PRDM16: variants seen among roughly 807,000 people sequenced by gnomAD.
The protein encoded by PRDM16 is histone-lysine N-methyltransferase PRDM16.
Under a neutral mutation model 110.6 loss-of-function variants are expected in PRDM16, and 23 were observed. The observed-to-expected ratio is 0.21, with a 90% CI of 0.15 to 0.29. The LOEUF (loss-of-function observed/expected upper bound fraction) is 0.29, where lower values mean the gene tolerates loss of function less well. Among genes scored for constraint, PRDM16 ranks in the 10% least tolerant of loss-of-function variants. The probability of loss-of-function intolerance (pLI) is 1.00; values close to 1 mark genes in which losing one functional copy is unlikely to be tolerated. For missense variants in PRDM16, 1,615 were observed against 1,794.3 expected (o/e 0.90, Z 1.81); for synonymous variants, 799 against 781.8 (o/e 1.02, Z -0.37).
At chr1:3,099,002 G>T (rs538236073) in intron 1 of PRDM16, among the ~76,000 whole-genome samples, 1 of 152,228 alleles carries the variant, frequency 6.6e-6, no homozygotes, top group Non-Finnish European at 1.5e-5. Flanking sequence ...TCCATCCCTG[G>T]CTGAGTAGGA....
At chr1:3,140,867 C>T (rs1274654762) in intron 1 of PRDM16, among the ~76,000 whole-genome samples, 1 of 152,258 alleles carries the variant, frequency 6.6e-6, no homozygotes, top group African/African-American at 2.4e-5. Context: ...CACATTGATC[C>T]CGCAGAAGAA....
chr1:3,277,784 T>A lies in PRDM16; in HGVS notation c.438+33647T>A, dbSNP rs76551464. ...ACACACGCGCACACACACGCACACA[T>A]ATGCACACACAAACGCACAGTTGTG... is the stretch of plus-strand genomic sequence containing the variant. On this transcript the variant is annotated intron_variant, in intron 3 of 16. Transcript: ENST00000270722. Among the ~76,000 whole-genome samples the A allele has an allele frequency of 2.8e-4, 39 of 139,212 alleles. 1 individual carries two copies. In the South Asian group the frequency reaches 4.6e-3, roughly 16 times the overall value. The allele number at this position is 139,212 out of a possible 152,430, so 91.3% of individuals were successfully genotyped here.
rs1395601957 is a variant in PRDM16 at position 3,412,166 on chromosome 1, G to C, written c.1969G>C (p.Gly657Arg). 8.9e-6 allele frequency: 14 copies of C among 1,572,840 alleles called. No individual in the cohort carries two copies. The Admixed American group carries it at 2.4e-4, about 26-fold the overall frequency. Reference protein sequence around the residue: ...PKFGGGLAPPGAPNSVAEVPV... With the variant: ...PKFGGGLAPPRAPNSVAEVPV... Reference sequence around the variant, plus strand: ...GTTTGGGGGCGGCTTGGCGCCCCCGGGGGCCCCGAACAGCGTGGCCGAGGT... The same window carrying C: ...GTTTGGGGGCGGCTTGGCGCCCCCGCGGGCCCCGAACAGCGTGGCCGAGGT... The change falls in exon 9 of 17, where the codon GGG becomes CGG. Residue 657 changes from glycine (G) to arginine (R), a missense_variant. By Grantham distance (125) the Gly-to-Arg change is moderately radical. Coordinates refer to ENST00000270722, the MANE Select transcript of PRDM16 (RefSeq NM_022114.4).
intron 3 of PRDM16, among the ~76,000 whole-genome samples, chr1:3,340,333 G>A (rs1642247207): frequency 6.6e-6 from 1 of 151,888 alleles, no homozygotes; most frequent in Non-Finnish European, 1.5e-5. Flanking sequence ...CCTTCACCCC[G>A]TTCCTGAAAC....
At chr1:3,188,166 A>C (rs927992350) in intron 2 of PRDM16, among the ~76,000 whole-genome samples, 2 of 152,198 alleles carry the variant, frequency 1.3e-5, no homozygotes, top group Non-Finnish European at 2.9e-5. Context: ...AGTGAAAGTA[A>C]CTTTGGCAGA....
intron 8 of PRDM16, 124 bp from the exon 9 acceptor site, chr1:3,411,260 A>T: frequency 1.0e-6 from 1 of 962,350 alleles, no homozygotes; most frequent in Non-Finnish European, 1.6e-6. Flanking sequence ...ACCCAGACAG[A>T]CTGCTTCCAG....
intron 1 of PRDM16, among the ~76,000 whole-genome samples, chr1:3,158,715 C>T (rs1643876203): frequency 1.4e-5 from 2 of 147,834 alleles, no homozygotes; most frequent in African/African-American, 5.0e-5. Context: ...TTCTTTCTTT[C>T]TTCCTTTTCT....
At chr1:3,170,623 A>C (rs1037199131) in intron 1 of PRDM16, among the ~76,000 whole-genome samples, 1 of 151,786 alleles carries the variant, frequency 6.6e-6, no homozygotes. Context: ...GCAGCTCCCC[A>C]CCCCCACTCT....
chr1:3,294,614 C>G (rs1641046019), intron 3 of PRDM16, among the ~76,000 whole-genome samples: 1 of 152,144 alleles, frequency 6.6e-6, no homozygotes, highest in Non-Finnish European at 1.5e-5. Flanking sequence ...CGCGTTAGAA[C>G]AGGATCCCGA....
At chr1:3,103,240 G>T (rs1003300420) in intron 1 of PRDM16, among the ~76,000 whole-genome samples, 2 of 152,170 alleles carry the variant, frequency 1.3e-5, no homozygotes, top group African/African-American at 4.8e-5. Flanking sequence ...AAAACAAAGG[G>T]TCCCCGTGGT....
At position 3,339,216 on chromosome 1, in the gene PRDM16, C is replaced by T. The variant is rs895951790; in HGVS notation, c.439-45936C>T. On this transcript the variant is annotated intron_variant, in intron 3 of 16. Transcript: ENST00000270722. The surrounding 1 kb of genome is among the most constrained non-coding windows in gnomAD (Gnocchi z 5.0). ...CCTCCAGCTGCTGAAAGCCGAACCACGTTTTGTGGGATACTGCCCCCGAGG... is the reference window on the plus strand; with the variant it reads ...CCTCCAGCTGCTGAAAGCCGAACCATGTTTTGTGGGATACTGCCCCCGAGG... 3.3e-5 allele frequency among the ~76,000 whole-genome samples: 5 copies of T among 152,078 alleles called. No homozygotes were observed. Among genetic ancestry groups the T allele is most frequent in the African/African-American group, 9.7e-5 (4 of 41,370 alleles).
rs550598742 is a variant in PRDM16 at position 3,222,907 on chromosome 1, G to A, written c.388-21180G>A. On this transcript the variant is annotated intron_variant, in intron 2 of 16. Coordinates refer to ENST00000270722, the MANE Select transcript of PRDM16 (RefSeq NM_022114.4). ...AAGTGTGCAGTTTGCCCTCAAGGCC[G>A]GGGTGGAGTTTGGTGGGTGGGTTGG... Among the ~76,000 whole-genome samples, 26 of 152,212 alleles carry A rather than the reference G, an allele frequency of 1.7e-4. 1 individual carries two copies. The highest frequency in any genetic ancestry group is 7.8e-4 in the Admixed American group (12 of 15,298).
At position 3,436,926 on chromosome 1, in the gene PRDM16, C is replaced by T. The variant is rs927092630; in HGVS notation, c.*3115C>T. ...ACCCCCATCCCCCAAATGGAAATTC[C>T]GAAGGAGGCCTCCTCGCACCTGCCC... On this transcript the variant is annotated 3_prime_UTR_variant, in exon 17 of 17. Coordinates refer to ENST00000270722, the MANE Select transcript of PRDM16 (RefSeq NM_022114.4). 1.1e-4 allele frequency: 25 copies of T among 231,436 alleles called. No homozygotes were observed. Among genetic ancestry groups the T allele is most frequent in the Non-Finnish European group, 1.4e-4 (16 of 117,220 alleles). 14.3% of individuals were successfully genotyped at this position (231,436 alleles called of 1,614,324 possible). A position where few individuals can be genotyped will look rare whatever the true frequency, so the allele number is the denominator to read the frequency against.
At position 3,149,511 on chromosome 1, in the gene PRDM16, G is replaced by A. The variant is rs1480268747; in HGVS notation, c.38-36614G>A. Among the ~76,000 whole-genome samples, 4 of 152,174 alleles carry A rather than the reference G, an allele frequency of 2.6e-5. No homozygotes were observed. In the East Asian group the frequency reaches 5.8e-4, roughly 22 times the overall value. On this transcript the variant is annotated intron_variant, in intron 1 of 16. Transcript: ENST00000270722. Reference sequence around the variant, plus strand: ...GGCTGAGGACGTCAGTCTACACAAGGGTGCATACCTGTGTATCCAGACTCC... The same window carrying A: ...GGCTGAGGACGTCAGTCTACACAAGAGTGCATACCTGTGTATCCAGACTCC...
intron 1 of PRDM16, among the ~76,000 whole-genome samples, chr1:3,180,586 G>A (rs948398193): frequency 3.3e-5 from 5 of 152,172 alleles, no homozygotes; most frequent in Admixed American, 3.3e-4. Flanking sequence ...GCATCAGGAG[G>A]CCCCCAGGGA....
chr1:3,314,663 T>C (rs1641556425), intron 3 of PRDM16, among the ~76,000 whole-genome samples: 1 of 151,790 alleles, frequency 6.6e-6, no homozygotes. Flanking sequence ...TTTCCCCTAA[T>C]CGCCTTCGCC....
chr1:3,331,788 C>T (rs1273377431), intron 3 of PRDM16, among the ~76,000 whole-genome samples: 1 of 152,190 alleles, frequency 6.6e-6, no homozygotes, highest in African/African-American at 2.4e-5. Flanking sequence ...TAAGCAACCC[C>T]TTGTTAGTAG....
At position 3,370,452 on chromosome 1, in the gene PRDM16, T is replaced by C. The variant is rs1032408499; in HGVS notation, c.439-14700T>C. Among the ~76,000 whole-genome samples the C allele has an allele frequency of 1.3e-5, 2 of 152,228 alleles. No homozygotes were observed. Among genetic ancestry groups the C allele is most frequent in the Non-Finnish European group, 1.5e-5 (1 of 68,020 alleles). ...ATCTGGAGGCGCCTTCATTCATTCA[T>C]TTGTTCCCCAAGCATGCATTGAGCA... On this transcript the variant is annotated intron_variant, in intron 3 of 16. Coordinates refer to ENST00000270722, the MANE Select transcript of PRDM16 (RefSeq NM_022114.4). The surrounding 1 kb of genome is among the most constrained non-coding windows in gnomAD (Gnocchi z 4.8).
At chr1:3,410,847 C>T (rs1372496402) in intron 8 of PRDM16, among the ~76,000 whole-genome samples, 2 of 152,168 alleles carry the variant, frequency 1.3e-5, no homozygotes, top group Non-Finnish European at 2.9e-5. Flanking sequence ...CCCCGTGCCC[C>T]GCCCTGGAGA....
Sources: allele counts gnomAD v4.1 joint callset (sites outside exome capture counted in the v4.1 genomes callset), GRCh38; gene constraint gnomAD v4.1.1; non-coding constraint Gnocchi (gnomAD v3.1); transcripts MANE v1.5; gene names NCBI Gene and HGNC (gene_info 2026-07-23, HGNC 2026-07-21).